The following CDH18 variants were observed in gnomAD, a reference collection of about 807,000 sequenced individuals.
The protein encoded by CDH18 is cadherin 18.
In CDH18, 31 loss-of-function variants were observed where a neutral mutation model predicts 67.9. The ratio of observed to expected loss-of-function variants is 0.46; its 90% CI spans 0.34 to 0.62. The LOEUF (loss-of-function observed/expected upper bound fraction) is 0.62. Ranked by LOEUF, CDH18 falls within the 20% of genes least tolerant of loss-of-function variation. The pLI, the probability that CDH18 is intolerant of heterozygous loss-of-function variation, is 0.01. For synonymous variants in CDH18, 362 were observed against 347.2 expected (o/e 1.04, Z -0.48); for missense variants, 890 against 975.5 (o/e 0.91, Z 1.17).
intron 3 of CDH18, among the ~76,000 whole-genome samples, chr5:19,786,322 ATTTT>A (rs148247122): frequency 6.6e-6 from 1 of 152,092 alleles, no homozygotes; most frequent in Non-Finnish European, 1.5e-5. Context: ...TGAATATTCA[ATTTT>A]TTTATTTCTA....
intron 1 of CDH18, among the ~76,000 whole-genome samples, chr5:20,322,827 T>TA (rs1301935356): frequency 6.6e-6 from 1 of 152,176 alleles, no homozygotes; most frequent in Non-Finnish European, 1.5e-5. Context: ...AGAAATGTGT[T>TA]ATGCTAAGTA....
chr5:19,946,379 T>C (rs1795283092), intron 2 of CDH18, among the ~76,000 whole-genome samples: 1 of 151,882 alleles, frequency 6.6e-6, no homozygotes, highest in Non-Finnish European at 1.5e-5. Flanking sequence ...ACAAAAATAA[T>C]ATGTTAATAG....
intron 3 of CDH18, among the ~76,000 whole-genome samples, chr5:19,756,838 G>T (rs2149689172): frequency 6.6e-6 from 1 of 152,330 alleles, no homozygotes; most frequent in African/African-American, 2.4e-5. Context: ...CACTAGGGGA[G>T]ATGGTGTGTG....
At chr5:20,056,634 G>A (rs971825528) in intron 2 of CDH18, among the ~76,000 whole-genome samples, 3 of 144,654 alleles carry the variant, frequency 2.1e-5, no homozygotes, top group Admixed American at 6.9e-5. Flanking sequence ...ACCCACAGTT[G>A]CTGAGACAAA....
intron 5 of CDH18, among the ~76,000 whole-genome samples, chr5:19,673,299 AT>A (rs1759003495): frequency 1.3e-5 from 2 of 152,036 alleles, no homozygotes; most frequent in Admixed American, 6.6e-5. Flanking sequence ...AAAAATCACA[AT>A]AACCATTTAA....
At chr5:20,535,559 T>G (rs1269323784) in intron 1 of CDH18, among the ~76,000 whole-genome samples, 2 of 152,116 alleles carry the variant, frequency 1.3e-5, no homozygotes, top group African/African-American at 4.8e-5. Flanking sequence ...ACCTTAAGTG[T>G]GGAAATTAGA....
intron 5 of CDH18, among the ~76,000 whole-genome samples, chr5:19,684,558 C>CT (rs1480623264): frequency 1.3e-5 from 2 of 150,744 alleles, no homozygotes; most frequent in Admixed American, 6.6e-5. Flanking sequence ...TAAACTATAG[C>CT]TTTTTTTCAG....
chr5:19,554,218 C>T (rs1025928142), intron 8 of CDH18, among the ~76,000 whole-genome samples: 4 of 152,196 alleles, frequency 2.6e-5, no homozygotes, highest in African/African-American at 7.2e-5. Context: ...CAAAATTAAG[C>T]TAAACCTCTG....
At chr5:20,197,515 C>T (rs1400300786) in intron 2 of CDH18, among the ~76,000 whole-genome samples, 1 of 152,168 alleles carries the variant, frequency 6.6e-6, no homozygotes, top group East Asian at 1.9e-4. Context: ...CTTGACATGA[C>T]AATTACGACT....
intron 1 of CDH18, among the ~76,000 whole-genome samples, chr5:20,422,667 T>C (rs183705659): frequency 1.3e-4 from 19 of 151,274 alleles, no homozygotes; most frequent in Non-Finnish European, 4.4e-5. Context: ...TCAAAACTTA[T>C]GCTAAAGTTT....
Position 20,409,734 on chromosome 5 carries a change from A to G in CDH18, c.-579-154229T>C, listed in dbSNP as rs575325018. 1.5e-4 allele frequency among the ~76,000 whole-genome samples: 23 copies of G among 151,764 alleles called. No homozygotes were observed. The East Asian group carries it at 4.5e-3, about 29-fold the overall frequency. The stretch of plus-strand genomic sequence containing the variant: ...AACTGAGTTAATATTTTGAAAAAAA[A>G]GTTGACATATCCTTAGCTAGACTAA... On this transcript the variant is annotated intron_variant, in intron 1 of 14. Coordinates refer to the CDH18 transcript ENST00000507958.
chr5:19,529,544 A>C (rs1363157095), intron 9 of CDH18, among the ~76,000 whole-genome samples: 1 of 151,990 alleles, frequency 6.6e-6, no homozygotes, highest in Non-Finnish European at 1.5e-5. Flanking sequence ...ATCTATGAAG[A>C]TTTATTATCT....
intron 4 of CDH18, among the ~76,000 whole-genome samples, chr5:19,725,183 C>T (rs1766663514): frequency 6.6e-6 from 1 of 152,008 alleles, no homozygotes; most frequent in East Asian, 2.0e-4. Context: ...ACCTCGGCCT[C>T]CCAAAGTGCT....
intron 1 of CDH18, among the ~76,000 whole-genome samples, chr5:20,466,749 A>G (rs1462100878): frequency 6.6e-6 from 1 of 152,038 alleles, no homozygotes; most frequent in East Asian, 1.9e-4. Context: ...TGAGACATGC[A>G]GTTTGGTTTT....
intron 2 of CDH18, among the ~76,000 whole-genome samples, chr5:20,224,606 T>C (rs1741468495): frequency 6.6e-6 from 1 of 152,024 alleles, no homozygotes; most frequent in Admixed American, 6.6e-5. Context: ...TGATTTCTTA[T>C]TTTCTGCTAA....
rs887988320 is a variant in CDH18, at chr5:20,200,092, A to C, written c.-518+55352T>G. Among the ~76,000 whole-genome samples, 8 of 152,358 alleles carry C rather than the reference A, an allele frequency of 5.3e-5. 2 individuals are homozygous for C. Among genetic ancestry groups the C allele is most frequent in the Admixed American group, 5.2e-4 (8 of 15,300 alleles). ...AAGGGAACAAACACTGTGTTCTAACAAAAATGATGTCAAATATTTCATTAA... is the reference window on the plus strand; with the variant it reads ...AAGGGAACAAACACTGTGTTCTAACCAAAATGATGTCAAATATTTCATTAA... On this transcript the variant is annotated intron_variant, in intron 2 of 14. Coordinates refer to the CDH18 transcript ENST00000507958.
At chr5:20,031,219 A>T (rs1479461385) in intron 2 of CDH18, among the ~76,000 whole-genome samples, 1 of 152,090 alleles carries the variant, frequency 6.6e-6, no homozygotes, top group African/African-American at 2.4e-5. Context: ...TTATCTCTGA[A>T]AAAAGGTGGC....
chr5:20,328,473 T>TTGTGTG (rs70954646), intron 1 of CDH18, among the ~76,000 whole-genome samples: 49 of 141,314 alleles, frequency 3.5e-4, no homozygotes, highest in African/African-American at 1.1e-3. Context: ...GAGAAGCCAT[T>TTGTGTG]TGTGTGTGTG....
At chr5:20,146,129 C>T (rs893175689) in intron 2 of CDH18, among the ~76,000 whole-genome samples, 4 of 152,046 alleles carry the variant, frequency 2.6e-5, no homozygotes, top group African/African-American at 7.2e-5. Flanking sequence ...TTCACATGGC[C>T]GGCTCTTTTT....
Sources: gnomAD v4.1 joint callset for allele counts (sites outside exome capture counted in the v4.1 genomes callset) on GRCh38, gnomAD v4.1.1 for gene constraint, MANE v1.5 for transcripts, NCBI Gene and HGNC (gene_info 2026-07-23, HGNC 2026-07-21) for gene names.